The following ZNF160 variants were observed in gnomAD, a reference collection of about 807,000 sequenced individuals.
ZNF160 encodes KRAB zinc finger protein KR18.
In ZNF160, 9 loss-of-function variants were observed where a neutral mutation model predicts 13.1. The observed-to-expected ratio is 0.69, with a 90% CI of 0.41 to 1.20. The LOEUF (loss-of-function observed/expected upper bound fraction) is 1.20. Ranked by LOEUF, ZNF160 falls within the 50% of genes most tolerant of loss-of-function variation. The pLI is 0.01. For missense variants in ZNF160, 838 were observed against 988.0 expected (o/e 0.85, Z 2.04); for synonymous variants, 293 against 333.2 (o/e 0.88, Z 1.31).
intron 1 of ZNF160, among the ~76,000 whole-genome samples, chr19:53,092,845 TC>T (rs1243223286): frequency 6.6e-6 from 1 of 152,146 alleles, no homozygotes; most frequent in Non-Finnish European, 1.5e-5. Flanking sequence ...CACAACTACA[TC>T]TACAGTTTCA....
chr19:53,086,174 C>T (rs528136880), intron 3 of ZNF160, 88 bp downstream of exon 3: 17 of 1,436,408 alleles, frequency 1.2e-5, no homozygotes, highest in African/African-American at 1.1e-4. Flanking sequence ...TCAGGCAGGA[C>T]GCTTCAGACT....
intron 3 of ZNF160, among the ~76,000 whole-genome samples, chr19:53,081,012 A>G: frequency 6.6e-6 from 1 of 152,210 alleles, no homozygotes; most frequent in Non-Finnish European, 1.5e-5. Flanking sequence ...AAAACTGGCT[A>G]AACATATGCA....
At chr19:53,092,459 C>T (rs528557225) in intron 1 of ZNF160, among the ~76,000 whole-genome samples, 10 of 152,190 alleles carry the variant, frequency 6.6e-5, no homozygotes, top group South Asian at 2.1e-4. Flanking sequence ...TACAGGCACA[C>T]GCCACTAGGC....
rs530088386 is a variant in ZNF160, at chr19:53,070,529, G to C, written c.272-267C>G. On this transcript the variant is annotated intron_variant, in intron 5 of 5. Transcript: ENST00000683776. ...GGGTTCACACCATTCTCCCGCCTCAGCCTCCTGAGTAGCTGGGACTACAGG... is the reference window on the plus strand; with the variant it reads ...GGGTTCACACCATTCTCCCGCCTCACCCTCCTGAGTAGCTGGGACTACAGG... Among the ~76,000 whole-genome samples the C allele has an allele frequency of 3.0e-3, 455 of 152,118 alleles. 3 individuals carry two copies. The highest frequency in any genetic ancestry group is 8.6e-3 in the African/African-American group (355 of 41,506).
At chr19:53,090,259 G>T (rs2084986039) in intron 2 of ZNF160, among the ~76,000 whole-genome samples, 2 of 151,150 alleles carry the variant, frequency 1.3e-5, no homozygotes, top group Non-Finnish European at 2.9e-5. Flanking sequence ...CCCCCTTTCT[G>T]CCCCTCTCCC....
At chr19:53,076,449 G>A (rs374404028) in intron 3 of ZNF160, among the ~76,000 whole-genome samples, 49 of 152,270 alleles carry the variant, frequency 3.2e-4, no homozygotes, top group African/African-American at 1.2e-3. Context: ...AGACCAGCCT[G>A]GCCAACATGG....
chr19:53,074,993 CG>C (rs1375524910), intron 4 of ZNF160, 63 bp downstream of exon 4: 1 of 1,609,320 alleles, frequency 6.2e-7, no homozygotes, highest in Admixed American at 1.7e-5. Flanking sequence ...TCCAGGGACT[CG>C]TAAGGGAAAA....
intron 3 of ZNF160, chr19:53,075,508 T>C (rs2084353719): frequency 2.3e-5 from 8 of 354,250 alleles, no homozygotes; most frequent in South Asian, 1.8e-4. Context: ...GAGGCTCGGT[T>C]AGACTAAGCC....
intron 3 of ZNF160, among the ~76,000 whole-genome samples, chr19:53,080,661 A>C (rs896743935): frequency 2.0e-5 from 3 of 152,266 alleles, no homozygotes; most frequent in Non-Finnish European, 4.4e-5. Context: ...AGCAATCTAT[A>C]GATTCAACAG....
At chr19:53,076,871 C>T (rs1416089153) in intron 3 of ZNF160, 2 of 152,174 alleles carry the variant, frequency 1.3e-5, no homozygotes, top group South Asian at 4.1e-4. Flanking sequence ...CCATTTTCTC[C>T]TGGGGAGAGA....
chr19:53,073,440 A>C (rs775096859), intron 5 of ZNF160: 4 of 1,597,972 alleles, frequency 2.5e-6, no homozygotes, highest in South Asian at 1.1e-5. Context: ...ACGGCTGGAG[A>C]CTCTTCCATG....
intron 1 of ZNF160, among the ~76,000 whole-genome samples, chr19:53,092,341 C>T (rs1001045794): frequency 1.3e-5 from 2 of 151,888 alleles, no homozygotes; most frequent in African/African-American, 4.8e-5. Context: ...GACAGAGTCT[C>T]CCTCTGTCGC....
intron 1 of ZNF160, among the ~76,000 whole-genome samples, chr19:53,102,357 C>T (rs559805600): frequency 6.6e-6 from 1 of 152,272 alleles, no homozygotes; most frequent in East Asian, 1.9e-4. Context: ...GCTCCCTCTG[C>T]TCGCCTTGTC....
chr19:53,098,095 T>G (rs2085303478), intron 1 of ZNF160, among the ~76,000 whole-genome samples: 1 of 152,224 alleles, frequency 6.6e-6, no homozygotes, highest in South Asian at 2.1e-4. Context: ...CCAGGTAACC[T>G]GAGCTGAGAC....
chr19:53,067,653 T>C lies in ZNF160; in HGVS notation c.*424A>G, dbSNP rs1173225357. The C allele has an allele frequency of 6.4e-6, 1 of 157,278 alleles. No individual in the cohort carries two copies. The highest frequency in any genetic ancestry group is 1.4e-5 in the Non-Finnish European group (1 of 71,566). The allele number at this position is 157,278 out of a possible 1,614,324, so 9.7% of individuals were successfully genotyped here. ...AAACATTTCATAAGGTGAAGGTAAC[T>C]GACTGCCTACAAATATCCTGCAACC... On this transcript the variant is annotated 3_prime_UTR_variant, in exon 6 of 6. Coordinates refer to ENST00000683776, the MANE Select transcript of ZNF160 (RefSeq NM_001322131.2).
At chr19:53,097,896 C>T (rs1175910840) in intron 1 of ZNF160, among the ~76,000 whole-genome samples, 1 of 152,222 alleles carries the variant, frequency 6.6e-6, no homozygotes, top group Non-Finnish European at 1.5e-5. Context: ...CTGGGATCCA[C>T]ACCCTCAGGC....
At position 53,068,282 on chromosome 19, in the gene ZNF160, T is replaced by C; in HGVS notation, c.2252A>G (p.His751Arg). ...TTTCTCCCCAGTATGAATTCTTCGG[T>C]GATTTGCCAGGTGAGCATTTTGAGT... ...VFTQNAHLAN[H>R]RRIHTGEKPY... The change falls in exon 6 of 6, where the codon CAC (histidine) becomes CGC (arginine). Residue 751 changes from histidine (H) to arginine (R), a missense_variant. This residue lies in a region of ZNF160 where 400 missense variants were observed against 538.9 expected (regional missense o/e 0.74). Coordinates refer to ENST00000683776, the MANE Select transcript of ZNF160 (RefSeq NM_001322131.2). 1.2e-6 allele frequency: 2 copies of C among 1,614,018 alleles called. No homozygotes were observed. Among genetic ancestry groups the C allele is most frequent in the Non-Finnish European group, 1.7e-6 (2 of 1,179,948 alleles).
chr19:53,075,609 G>A, intron 3 of ZNF160: 1 of 376,230 alleles, frequency 2.7e-6, no homozygotes, highest in Non-Finnish European at 5.2e-6. Context: ...GGGCCTCCAT[G>A]AAAACTCAAA....
At chr19:53,072,172 G>C (rs939304686) in intron 5 of ZNF160, among the ~76,000 whole-genome samples, 1 of 151,382 alleles carries the variant, frequency 6.6e-6, no homozygotes, top group Non-Finnish European at 1.5e-5. Flanking sequence ...TGCGATCTTG[G>C]CTTGCTGCAA....
Sources: allele counts gnomAD v4.1 joint callset (sites outside exome capture counted in the v4.1 genomes callset), GRCh38; gene constraint gnomAD v4.1.1; regional missense constraint gnomAD v4.1.1; transcripts MANE v1.5; gene names NCBI Gene and HGNC (gene_info 2026-07-23, HGNC 2026-07-21).